SLC35F4: variants seen among roughly 807,000 people sequenced by gnomAD.
The protein encoded by SLC35F4 is chromosome 14 open reading frame 36.
A neutral mutation model predicts 44.2 loss-of-function variants in SLC35F4; 24 were observed. The ratio of observed to expected loss-of-function variants is 0.54; its 90% confidence interval spans 0.39 to 0.76. The LOEUF (loss-of-function observed/expected upper bound fraction) is 0.76, where lower values mean the gene tolerates loss of function less well. SLC35F4 is among the 30% of genes least tolerant of loss of function. The pLI is 0.00. For missense variants in SLC35F4, 562 were observed against 586.1 expected, an observed-to-expected ratio of 0.96 and a Z score of 0.42; for synonymous variants, 238 against 223.6, an observed-to-expected ratio of 1.06 and a Z score of -0.57.
chr14:57,740,132 T>C (rs2076568816), intron 1 of SLC35F4, among the ~76,000 whole-genome samples: 1 of 152,166 alleles, frequency 6.6e-6, no homozygotes, highest in African/African-American at 2.4e-5. Flanking sequence ...AGTGCTGGGA[T>C]TACAGGCATA....
intron 1 of SLC35F4, among the ~76,000 whole-genome samples, chr14:57,657,427 A>G (rs2074002738): frequency 6.6e-6 from 1 of 152,140 alleles, no homozygotes; most frequent in Admixed American, 6.6e-5. Flanking sequence ...TGAACTTCCT[A>G]TGTCAGCCCA....
chr14:57,837,862 C>T (rs1885090451), intron 1 of SLC35F4, among the ~76,000 whole-genome samples: 1 of 152,218 alleles, frequency 6.6e-6, no homozygotes, highest in African/African-American at 2.4e-5. Flanking sequence ...TCCCCTTCCC[C>T]AATACACATA....
At chr14:57,730,129 C>G (rs1347782241) in intron 1 of SLC35F4, among the ~76,000 whole-genome samples, 3 of 152,198 alleles carry the variant, frequency 2.0e-5, no homozygotes, top group African/African-American at 7.2e-5. Flanking sequence ...GTCTCTTTTG[C>G]TCTCCTCAAT....
At chr14:57,925,523 G>GGGGAAGGAAGGAAGGAAGGA (rs1889547138) in intron 1 of SLC35F4, among the ~76,000 whole-genome samples, 4 of 100,256 alleles carry the variant, frequency 4.0e-5, no homozygotes, top group African/African-American at 1.4e-4. Context: ...GGGAGGGAGG[G>GGGGAAGGAAGGAAGGAAGGA]AGGGAGGGAG....
At chr14:57,620,458 A>G (rs1314226795) in intron 1 of SLC35F4, among the ~76,000 whole-genome samples, 1 of 152,228 alleles carries the variant, frequency 6.6e-6, no homozygotes, top group Non-Finnish European at 1.5e-5. Context: ...TAAGCAAAAG[A>G]GAAATAAAAT....
At chr14:57,813,969 G>A (rs570074252) in intron 1 of SLC35F4, among the ~76,000 whole-genome samples, 2 of 152,344 alleles carry the variant, frequency 1.3e-5, no homozygotes, top group Non-Finnish European at 2.9e-5. Context: ...AGCATTAGCG[G>A]TGGGAATTAG....
chr14:57,743,965 C>T lies in SLC35F4; in HGVS notation c.103+121758G>A, dbSNP rs58926547. 7.7e-3 allele frequency among the ~76,000 whole-genome samples: 1,164 copies of T among 152,156 alleles called. 10 individuals are homozygous for T. Among genetic ancestry groups the T allele is most frequent in the African/African-American group, 0.025 (1,026 of 41,508 alleles). On this transcript the variant is annotated intron_variant, in intron 1 of 7. Coordinates refer to ENST00000556826, the MANE Select transcript of SLC35F4 (RefSeq NM_001306087.2). ...TAATCCAGCATATAAACAGAACCAACGACAAAAACCACGTGATTATCTCAA... is the reference window on the plus strand; with the variant it reads ...TAATCCAGCATATAAACAGAACCAATGACAAAAACCACGTGATTATCTCAA...
intron 1 of SLC35F4, among the ~76,000 whole-genome samples, chr14:57,707,169 T>A (rs2075697981): frequency 6.6e-6 from 1 of 152,120 alleles, no homozygotes; most frequent in Admixed American, 6.5e-5. Flanking sequence ...ACTTATCTGA[T>A]TTGGGTAGCT....
intron 1 of SLC35F4, among the ~76,000 whole-genome samples, chr14:57,825,718 C>T (rs900644447): frequency 3.9e-5 from 6 of 151,990 alleles, no homozygotes; most frequent in Middle Eastern, 3.4e-3. Context: ...TCCTATATAC[C>T]GACAATAGAC....
At chr14:57,646,027 G>A (rs1014380843) in intron 1 of SLC35F4, among the ~76,000 whole-genome samples, 18 of 152,172 alleles carry the variant, frequency 1.2e-4, no homozygotes, top group Admixed American at 6.5e-5. Context: ...CGGTTTGCCA[G>A]TATTTTATTG....
chr14:57,789,409 A>T (rs1006310041), intron 1 of SLC35F4, among the ~76,000 whole-genome samples: 7 of 152,210 alleles, frequency 4.6e-5, no homozygotes, highest in African/African-American at 1.7e-4. Flanking sequence ...AAATGGATAA[A>T]TTCCTGGACA....
At chr14:57,822,106 C>A (rs1883235974) in intron 1 of SLC35F4, among the ~76,000 whole-genome samples, 1 of 152,220 alleles carries the variant, frequency 6.6e-6, no homozygotes, top group Admixed American at 6.5e-5. Flanking sequence ...TGGCTGTTCT[C>A]TGGCTATGCT....
intron 1 of SLC35F4, among the ~76,000 whole-genome samples, chr14:57,644,739 T>C (rs1051099290): frequency 2.6e-5 from 4 of 152,226 alleles, no homozygotes; most frequent in South Asian, 2.1e-4. Context: ...AGGGTTTTTA[T>C]GGTTAGACCT....
chr14:57,966,069 A>G (rs1012648043), intron 1 of SLC35F4, among the ~76,000 whole-genome samples: 2 of 152,192 alleles, frequency 1.3e-5, no homozygotes, highest in Non-Finnish European at 1.5e-5. Flanking sequence ...ATTTTATCAA[A>G]TTCTGGGAGT....
chr14:57,702,169 TCCTTGTAG>T (rs2075558299), intron 1 of SLC35F4, among the ~76,000 whole-genome samples: 1 of 152,120 alleles, frequency 6.6e-6, no homozygotes, highest in Admixed American at 6.5e-5. Context: ...TTGTTACTCA[TCCTTGTAG>T]CCAAAGATAA....
rs547031543 is a variant in SLC35F4 at position 57,678,320 on chromosome 14, C to T, written c.104-84196G>A. Among the ~76,000 whole-genome samples the T allele has an allele frequency of 2.0e-5, 3 of 152,138 alleles. No individual in the cohort carries two copies. In the East Asian group the frequency reaches 5.8e-4, roughly 29 times the overall value. On this transcript the variant is annotated intron_variant, in intron 1 of 7. Transcript: ENST00000556826. ...AAAATCCTTTACAGACAAGGAAATGCTGAGAGATTTTGTCACCACCAGGCC... is the reference window on the plus strand; with the variant it reads ...AAAATCCTTTACAGACAAGGAAATGTTGAGAGATTTTGTCACCACCAGGCC...
chr14:57,735,833 C>T (rs1046145323), intron 1 of SLC35F4, among the ~76,000 whole-genome samples: 2 of 151,994 alleles, frequency 1.3e-5, no homozygotes, highest in Admixed American at 6.6e-5. Flanking sequence ...AGCAATTCTC[C>T]ACCTCGGCCT....
intron 1 of SLC35F4, among the ~76,000 whole-genome samples, chr14:57,763,420 C>T (rs909338925): frequency 6.6e-6 from 1 of 152,076 alleles, no homozygotes; most frequent in Non-Finnish European, 1.5e-5. Context: ...TATTCAGAGG[C>T]ATAATAATAC....
intron 1 of SLC35F4, among the ~76,000 whole-genome samples, chr14:57,620,295 G>A (rs1343946074): frequency 6.6e-6 from 1 of 152,150 alleles, no homozygotes; most frequent in Non-Finnish European, 1.5e-5. Context: ...AGAGAGAAAG[G>A]TCGGGTTACA....
Sources: gnomAD v4.1 joint callset for allele counts (sites outside exome capture counted in the v4.1 genomes callset) on GRCh38, gnomAD v4.1.1 for gene constraint, MANE v1.5 for transcripts, NCBI Gene and HGNC (gene_info 2026-07-23, HGNC 2026-07-21) for gene names.